SHISA6: variants seen among roughly 807,000 people sequenced by gnomAD.
SHISA6 encodes the protein protein shisa-6.
In SHISA6, 22 loss-of-function variants were observed where a neutral mutation model predicts 47.9. The observed-to-expected ratio is 0.46, with a 90% confidence interval of 0.33 to 0.66. The LOEUF (loss-of-function observed/expected upper bound fraction) is 0.66. Ranked by LOEUF, SHISA6 falls within the 30% of genes least tolerant of loss-of-function variation. The probability of loss-of-function intolerance (pLI) is 0.02; values close to 1 mark genes in which losing one functional copy is unlikely to be tolerated. For missense variants in SHISA6, 680 were observed against 764.6 expected, an observed-to-expected ratio of 0.89 and a Z score of 1.30; for synonymous variants, 388 against 337.8, an observed-to-expected ratio of 1.15 and a Z score of -1.63.
chr17:11,379,513 C>T lies in SHISA6; in HGVS notation c.895+4C>T. 1 of 1,525,558 alleles carries T rather than the reference C, an allele frequency of 6.6e-7. No individual in the cohort carries two copies. Among genetic ancestry groups the T allele is most frequent in the Non-Finnish European group, 8.8e-7 (1 of 1,132,886 alleles). The allele number at this position is 1,525,558 out of a possible 1,614,324, so 94.5% of individuals were successfully genotyped here. ...TTAGGAAGAGGACACACCAAGGGTA[C>T]AGTGGAAACCATTTTTTACTAAAAT... is the stretch of plus-strand genomic sequence containing the variant. On this transcript the variant is annotated splice_donor_region_variant and intron_variant, in intron 3 of 5. Transcript: ENST00000441885.
chr17:11,409,445 G>A (rs1050429361), intron 3 of SHISA6, among the ~76,000 whole-genome samples: 15 of 152,154 alleles, frequency 9.9e-5, no homozygotes, highest in African/African-American at 3.4e-4. Context: ...GGCCAGGAGT[G>A]GTGGCTCACG....
At chr17:11,439,863 T>C (rs1288112626) in intron 3 of SHISA6, among the ~76,000 whole-genome samples, 1 of 152,198 alleles carries the variant, frequency 6.6e-6, no homozygotes, top group Admixed American at 6.5e-5. Context: ...GATGACAGCT[T>C]TCTTTTCGTG....
Position 11,259,245 on chromosome 17 carries a change from A to G in SHISA6, c.639-4121A>G, listed in dbSNP as rs1908135698. On this transcript the variant is annotated intron_variant, in intron 1 of 5. Coordinates refer to ENST00000441885, the MANE Select transcript of SHISA6 (RefSeq NM_207386.4). ...TCAGCCCCTGTAGTTTAACCTACCT[A>G]TGTTTGGAATGTGAATTCAGCACTT... is the stretch of plus-strand genomic sequence containing the variant. Among the ~76,000 whole-genome samples the G allele has an allele frequency of 2.0e-5, 3 of 152,142 alleles. No homozygotes were observed. The South Asian group carries it at 6.2e-4, about 32-fold the overall frequency.
chr17:11,515,328 G>T (rs1457852885), intron 3 of SHISA6, among the ~76,000 whole-genome samples: 2 of 128,288 alleles, frequency 1.6e-5, no homozygotes, highest in Non-Finnish European at 3.5e-5. Context: ...AAGGAAGGAA[G>T]GAAGGAAGGA....
chr17:11,284,825 G>T (rs1482551889), intron 2 of SHISA6, among the ~76,000 whole-genome samples: 1 of 152,122 alleles, frequency 6.6e-6, no homozygotes, highest in Non-Finnish European at 1.5e-5. Context: ...AGTTCTTATG[G>T]CTGGGACCAA....
chr17:11,465,562 G>A (rs1915789698), intron 3 of SHISA6, among the ~76,000 whole-genome samples: 1 of 152,088 alleles, frequency 6.6e-6, no homozygotes, highest in Admixed American at 6.5e-5. Context: ...GACCTGGAAG[G>A]CTATTTCTGC....
chr17:11,425,183 G>A (rs1338111719), intron 3 of SHISA6, among the ~76,000 whole-genome samples: 2 of 151,854 alleles, frequency 1.3e-5, no homozygotes, highest in Non-Finnish European at 2.9e-5. Flanking sequence ...AAACCAAGGA[G>A]AAGCAAGAGA....
intron 2 of SHISA6, among the ~76,000 whole-genome samples, chr17:11,348,266 T>C (rs1242088760): frequency 6.6e-6 from 1 of 152,194 alleles, no homozygotes; most frequent in African/African-American, 2.4e-5. Flanking sequence ...GTAAGTTATT[T>C]GTTTATGTAA....
chr17:11,243,115 A>C (rs1486339951), intron 1 of SHISA6, among the ~76,000 whole-genome samples: 2 of 151,288 alleles, frequency 1.3e-5, no homozygotes, highest in Non-Finnish European at 2.9e-5. Context: ...CCCCCAGACC[A>C]CTGCTTGTCA....
intron 2 of SHISA6, among the ~76,000 whole-genome samples, chr17:11,306,274 C>T (rs535352657): frequency 6.6e-6 from 1 of 152,260 alleles, no homozygotes; most frequent in South Asian, 2.1e-4. Context: ...CAGCCTTCCC[C>T]CACCACAAGC....
intron 3 of SHISA6, among the ~76,000 whole-genome samples, chr17:11,457,471 C>T (rs1915570248): frequency 6.6e-6 from 1 of 151,932 alleles, no homozygotes; most frequent in African/African-American, 2.4e-5. Flanking sequence ...GTGGCTCATG[C>T]CTGTAATCCC....
chr17:11,470,270 C>T (rs1266951199), intron 3 of SHISA6, among the ~76,000 whole-genome samples: 2 of 152,206 alleles, frequency 1.3e-5, no homozygotes, highest in Non-Finnish European at 2.9e-5. Context: ...GCCTCTACTG[C>T]CCTCTGTTCA....
rs754992005 is a variant in SHISA6 at position 11,558,190 on chromosome 17, G to C, written c.1542G>C (p.Thr514=). 1 of 1,545,256 alleles carries C rather than the reference G, an allele frequency of 6.5e-7. No homozygotes were observed. ...ACGCCACCCTGGGCCAGAGCCAGAC[G>C]GCAGCCAAGCGTCATGCCTTTGCCT... The part of the protein sequence containing the change: ...NSYATLGQSQ[T]AAKRHAFASR... The change falls in exon 6 of 6, where the codon ACG becomes ACC. Residue 514 remains threonine, a synonymous_variant. Transcript: ENST00000441885.
intron 3 of SHISA6, among the ~76,000 whole-genome samples, chr17:11,471,836 A>G (rs1915941464): frequency 6.6e-6 from 1 of 152,172 alleles, no homozygotes; most frequent in African/African-American, 2.4e-5. Flanking sequence ...AGGCACAAAG[A>G]TGTTCCACAT....
intron 2 of SHISA6, among the ~76,000 whole-genome samples, chr17:11,314,137 GT>G (rs1910428238): frequency 6.6e-6 from 1 of 151,986 alleles, no homozygotes; most frequent in Admixed American, 6.6e-5. Context: ...TTCTTTATTG[GT>G]TTTTAGGAGT....
intron 3 of SHISA6, among the ~76,000 whole-genome samples, chr17:11,428,409 G>T (rs983212310): frequency 6.6e-6 from 1 of 152,200 alleles, no homozygotes; most frequent in African/African-American, 2.4e-5. Flanking sequence ...CTCTGAGCAT[G>T]GCCACACCAG....
At chr17:11,433,050 G>C (rs1443781952) in intron 3 of SHISA6, among the ~76,000 whole-genome samples, 1 of 152,152 alleles carries the variant, frequency 6.6e-6, no homozygotes, top group Non-Finnish European at 1.5e-5. Flanking sequence ...TGAATTGTAT[G>C]GCATGTGAAT....
At chr17:11,385,763 A>T (rs1275595898) in intron 3 of SHISA6, among the ~76,000 whole-genome samples, 1 of 152,172 alleles carries the variant, frequency 6.6e-6, no homozygotes, top group Middle Eastern at 3.4e-3. Context: ...ATGAGGAGGG[A>T]CCTACAGAAA....
chr17:11,554,438 G>A (rs542097097), intron 4 of SHISA6, among the ~76,000 whole-genome samples: 23 of 152,186 alleles, frequency 1.5e-4, no homozygotes, highest in South Asian at 1.2e-3. Context: ...CCGGTGCTTG[G>A]GGCTGCCCTT....
Sources: allele counts gnomAD v4.1 joint callset (sites outside exome capture counted in the v4.1 genomes callset), GRCh38; gene constraint gnomAD v4.1.1; transcripts MANE v1.5; gene names NCBI Gene and HGNC (gene_info 2026-07-23, HGNC 2026-07-21).